The following RTEL1 variants were observed in gnomAD, a reference collection of about 807,000 sequenced individuals.
RTEL1 encodes regulator of telomere length.
A neutral mutation model predicts 162.2 loss-of-function variants in RTEL1; 86 were observed. The observed-to-expected ratio is 0.53, with a 90% CI of 0.45 to 0.63. The LOEUF (loss-of-function observed/expected upper bound fraction) is 0.63, where lower values mean the gene tolerates loss of function less well. Ranked by LOEUF, RTEL1 falls within the 30% of genes least tolerant of loss-of-function variation. The pLI is 0.00. For synonymous variants in RTEL1, 958 were observed against 717.9 expected (o/e 1.33, Z -5.35); for missense variants, 1,941 against 1,750.2 (o/e 1.11, Z -1.95).
At chr20:63,666,468 A>G (rs1053991864) in intron 7 of RTEL1, among the ~76,000 whole-genome samples, 3 of 152,174 alleles carry the variant, frequency 2.0e-5, no homozygotes, top group Non-Finnish European at 4.4e-5. Flanking sequence ...GATGTCTCCT[A>G]TGTCTACCTC....
chr20:63,694,646 C>G (rs1029415054), intron 31 of RTEL1, 95 bp from the exon 32 acceptor site: 27 of 1,276,174 alleles, frequency 2.1e-5, no homozygotes, highest in South Asian at 1.8e-4. Context: ...TCCTGAGCAG[C>G]TCTCCAGGAG....
At chr20:63,667,606 G>T (rs1049561160) in intron 8 of RTEL1, 53 bp downstream of exon 8, 21 of 1,459,926 alleles carry the variant, frequency 1.4e-5, no homozygotes, top group Non-Finnish European at 1.8e-5. Flanking sequence ...GGTGTCCCTG[G>T]GCTTGGGAAC....
chr20:63,662,271 G>A, intron 4 of RTEL1: 1 of 651,350 alleles, frequency 1.5e-6, no homozygotes, highest in Non-Finnish European at 2.7e-6. Context: ...AGGAGGCCCT[G>A]CTGCTTGTCA....
rs755444493 is a variant in RTEL1, at chr20:63,691,803, G to A, written c.2618G>A (p.Gly873Glu). The change falls in exon 28 of 35, where the codon GGA (glycine) becomes GAA (glutamate). Residue 873 changes from glycine to glutamate, a missense_variant. Coordinates refer to ENST00000360203, the MANE Select transcript of RTEL1 (RefSeq NM_001283009.2). ...AAGAGGCCGGCAGAAGAACCGCGAG[G>A]AGGGAGGAAGAAGATCCGGCTGGTC... ...SEKRPAEEPR[G>E]GRKKIRLVSH... The A allele has an allele frequency of 1.2e-6, 2 of 1,612,344 alleles. No homozygotes were observed. The highest frequency in any genetic ancestry group is 2.2e-5 in the South Asian group (2 of 91,084).
chr20:63,692,509 A>G, intron 28 of RTEL1: 1 of 475,282 alleles, frequency 2.1e-6, no homozygotes, highest in South Asian at 2.5e-5. Context: ...GGAGGAGGAG[A>G]GAGACGGGCC....
chr20:63,688,045 C>T lies in RTEL1; in HGVS notation c.1590C>T (p.Asp530=). Residue 530 remains aspartate, a synonymous_variant, in exon 18 of 35, where the codon GAC becomes GAT. Transcript: ENST00000360203. ...PDGAQLSSAF[D]RRFSEECLSS... ...GAGCCCAGTTGAGCTCCGCGTTTGA[C>T]AGACGGTGAGGGCCTGTCCCTGGGC... 1 of 1,612,722 alleles carries T rather than the reference C, an allele frequency of 6.2e-7. No homozygotes were observed.
At chr20:63,665,943 C>T (rs2090117587) in intron 6 of RTEL1, 61 bp from the exon 7 acceptor site, 2 of 1,517,594 alleles carry the variant, frequency 1.3e-6, no homozygotes, top group African/African-American at 2.7e-5. Flanking sequence ...GGGCATCCCC[C>T]TGTGGTCTGG....
At chr20:63,676,109 C>T (rs899049442) in intron 10 of RTEL1, among the ~76,000 whole-genome samples, 2 of 152,128 alleles carry the variant, frequency 1.3e-5, no homozygotes, top group African/African-American at 2.4e-5. Context: ...CACTCTGTCA[C>T]CCAGGCTGGA....
chr20:63,678,236 G>T (rs199983541), intron 11 of RTEL1, 32 bp from the exon 12 acceptor site: 2 of 1,612,546 alleles, frequency 1.2e-6, no homozygotes, highest in African/African-American at 1.3e-5. Flanking sequence ...TCCTCCTTGC[G>T]AGGAGGTGGG....
rs953354796 is a variant in RTEL1 at position 63,668,337 on chromosome 20, A to T, written c.699+784A>T. Among the ~76,000 whole-genome samples the T allele has an allele frequency of 1.3e-5, 2 of 152,054 alleles. No individual in the cohort carries two copies. The highest frequency in any genetic ancestry group is 1.3e-4 in the Admixed American group (2 of 15,276). Reference sequence around the variant, plus strand: ...TGGTTCGCTCATTCTCGGGGTGTATATTTATTGAGAGCTCATCATGCTGGG... The same window carrying T: ...TGGTTCGCTCATTCTCGGGGTGTATTTTTATTGAGAGCTCATCATGCTGGG... On this transcript the variant is annotated intron_variant, in intron 8 of 34. Transcript: ENST00000360203. The surrounding 1 kb of genome is among the most constrained non-coding windows in gnomAD (Gnocchi z 4.3).
chr20:63,695,225 G>C lies in RTEL1; in HGVS notation c.3499+4G>C, dbSNP rs1452675798. The C allele has an allele frequency of 6.2e-7, 1 of 1,610,908 alleles. No homozygotes were observed. Among genetic ancestry groups the C allele is most frequent in the Non-Finnish European group, 8.5e-7 (1 of 1,179,058 alleles). ...ACCCACAGGGCTCCCCAACCAGGTA[G>C]GGCACCTGCCTGGCTGCTCCTGGCA... On this transcript the variant is annotated splice_donor_region_variant and intron_variant, in intron 33 of 34. Coordinates refer to ENST00000360203, the MANE Select transcript of RTEL1 (RefSeq NM_001283009.2).
rs2090193108 is a variant in RTEL1, at chr20:63,668,858, G to A, written c.699+1305G>A. ...GACCGTGAAGAAGAACAGAGCTGGA[G>A]GACTCACCTCGCTGGTTTCAAGACT... is the stretch of plus-strand genomic sequence containing the variant. On this transcript the variant is annotated intron_variant, in intron 8 of 34. Coordinates refer to ENST00000360203, the MANE Select transcript of RTEL1 (RefSeq NM_001283009.2). This position sits in a 1 kb window ranked among gnomAD's most constrained non-coding sequence, Gnocchi z 4.3. Among the ~76,000 whole-genome samples, 1 of 152,242 alleles carries A rather than the reference G, an allele frequency of 6.6e-6. No homozygotes were observed. Among genetic ancestry groups the A allele is most frequent in the South Asian group, 2.1e-4 (1 of 4,836 alleles).
intron 8 of RTEL1, among the ~76,000 whole-genome samples, chr20:63,667,918 C>A (rs888206620): frequency 2.0e-5 from 3 of 151,396 alleles, no homozygotes; most frequent in African/African-American, 7.3e-5. Context: ...CTCTTCCCAG[C>A]GCGTGCCCGG....
rs75406933 is a variant in RTEL1 at position 63,694,259 on chromosome 20, G to A, written c.2993-113G>A. ...GGCGTGTACCTGCCTGGGTTTTCCC[G>A]CCCTGGTCTGAGGTGGGTGAGGCCT... On this transcript the variant is annotated intron_variant, in intron 30 of 34. Coordinates refer to ENST00000360203, the MANE Select transcript of RTEL1 (RefSeq NM_001283009.2). The A allele has an allele frequency of 2.7e-3, 2,497 of 911,936 alleles. 44 individuals carry two copies. The African/African-American group carries it at 0.035, about 13-fold the overall frequency. 56.5% of individuals were successfully genotyped at this position (911,936 alleles called of 1,614,324 possible). A position where few individuals can be genotyped will look rare whatever the true frequency, so the allele number is the denominator to read the frequency against.
At position 63,680,787 on chromosome 20, in the gene RTEL1, A is replaced by G. The variant is rs1569097709; in HGVS notation, c.1191+68A>G. The G allele has an allele frequency of 3.8e-6, 6 of 1,595,582 alleles. No homozygotes were observed. In the Admixed American group the frequency reaches 8.4e-5, roughly 22 times the overall value. On this transcript the variant is annotated intron_variant, in intron 14 of 34. Coordinates refer to ENST00000360203, the MANE Select transcript of RTEL1 (RefSeq NM_001283009.2). Reference sequence around the variant, plus strand: ...CCGGGCGGGTGCCTTCTCCTGCTGTATTAGTTAACTGATTCTAGACTTGGG... The same window carrying G: ...CCGGGCGGGTGCCTTCTCCTGCTGTGTTAGTTAACTGATTCTAGACTTGGG...
intron 27 of RTEL1, 59 bp from the exon 28 acceptor site, chr20:63,691,683 T>C (rs1157303024): frequency 2.1e-6 from 3 of 1,455,836 alleles, no homozygotes; most frequent in African/African-American, 2.8e-5. Context: ...CCAGGTGCTT[T>C]GGGACCCCAG....
In RTEL1 at chr20:63,678,356, G is replaced by C. The variant is rs368590236; in HGVS notation, c.1037+10G>C. The C allele has an allele frequency of 6.2e-7, 1 of 1,604,916 alleles. No homozygotes were observed. Among genetic ancestry groups the C allele is most frequent in the South Asian group, 1.1e-5 (1 of 90,254 alleles). ...TCACCAAGCCAGGGAGGTGAGAGGC[G>C]GGGAGCCAGCCCCTTCACTGCAGGC... On this transcript the variant is annotated intron_variant, in intron 12 of 34. Transcript: ENST00000360203.
At chr20:63,681,559 T>G (rs987326522) in intron 14 of RTEL1, 2 of 984,882 alleles carry the variant, frequency 2.0e-6, no homozygotes, top group African/African-American at 3.5e-5. Context: ...GTGCTTGAGC[T>G]GGGGGAGGCC....
At chr20:63,685,961 G>T in intron 16 of RTEL1, 89 bp downstream of exon 16, 2 of 1,293,272 alleles carry the variant, frequency 1.5e-6, no homozygotes, top group Non-Finnish European at 1.1e-6. Context: ...CCCAGCCGTG[G>T]ATCTCCTGCC....
Sources: gnomAD v4.1 joint callset for allele counts (sites outside exome capture counted in the v4.1 genomes callset) on GRCh38, gnomAD v4.1.1 for gene constraint, Gnocchi (gnomAD v3.1) non-coding constraint, MANE v1.5 for transcripts, NCBI Gene and HGNC (gene_info 2026-07-23, HGNC 2026-07-21) for gene names.